Variants in GPAM observed in about 807,000 individuals in gnomAD.
GPAM encodes the protein glycerol-3-phosphate acyltransferase, mitochondrial.
GPAM carries 56 observed loss-of-function variants against 105.0 expected under a neutral mutation model. The observed-to-expected ratio is 0.53, with a 90% confidence interval of 0.43 to 0.67. The LOEUF (loss-of-function observed/expected upper bound fraction) is 0.67. Ranked by LOEUF, GPAM falls within the 30% of genes least tolerant of loss-of-function variation. The pLI, the probability that GPAM is intolerant of heterozygous loss-of-function variation, is 0.00. For synonymous variants in GPAM, 368 were observed against 354.4 expected (o/e 1.04, Z -0.43); for missense variants, 855 against 989.8 (o/e 0.86, Z 1.83).
chr10:112,159,099 C>A (rs1847073255), intron 17 of GPAM, among the ~76,000 whole-genome samples: 1 of 151,944 alleles, frequency 6.6e-6, no homozygotes. Context: ...CTACTTAATA[C>A]ATATGTCTCA....
the GPAM span, among the ~76,000 whole-genome samples, chr10:112,220,716 T>C: frequency 3.3e-5 from 5 of 152,152 alleles, no homozygotes; most frequent in African/African-American, 1.2e-4. Flanking sequence ...GATGGTTCTT[T>C]CATCCCAGAG....
Position 112,175,692 on chromosome 10 carries a change from T to A in GPAM, c.321A>T (p.Arg107Ser). The stretch of plus-strand genomic sequence containing the variant: ...GAATAAAAAGAACGTAAGAAAGGCG[T>A]CTTGCAAGCCATCCGCGGTGTCTGT... ...THTRHRGWLA[R>S]RLSYVLFIQE... Residue 107 changes from arginine to serine, a missense_variant, in exon 6 of 22, where the codon AGA (arginine) becomes AGT (serine). Transcript: ENST00000348367. The A allele has an allele frequency of 2.5e-6, 4 of 1,611,810 alleles. No homozygotes were observed. The highest frequency in any genetic ancestry group is 3.4e-6 in the Non-Finnish European group (4 of 1,177,906).
At chr10:112,200,167 A>AATATATATATATAT (rs10528337) in intron 1 of GPAM, among the ~76,000 whole-genome samples, 29 of 87,192 alleles carry the variant, frequency 3.3e-4, no homozygotes, top group African/African-American at 5.0e-4. Context: ...TTGTAAAGGA[A>AATATATATATATAT]ATATATATAT....
chr10:112,155,717 T>C (rs528127559), intron 20 of GPAM, 147 bp downstream of exon 20: 3 of 602,854 alleles, frequency 5.0e-6, no homozygotes, highest in Non-Finnish European at 8.7e-6. Flanking sequence ...TCAACTTATA[T>C]AACATGCCAA....
upstream of GPAM, among the ~76,000 whole-genome samples, chr10:112,216,672 G>A (rs891729621): frequency 1.3e-5 from 2 of 151,610 alleles, no homozygotes; most frequent in Admixed American, 1.3e-4. Flanking sequence ...CCCCCAGGCT[G>A]GAGTGCAGTG....
chr10:112,212,604 A>G (rs746718331), intron 1 of GPAM, among the ~76,000 whole-genome samples: 1 of 152,180 alleles, frequency 6.6e-6, no homozygotes, highest in Non-Finnish European at 1.5e-5. Flanking sequence ...ATCAGGATGC[A>G]GTGAACCCAA....
At chr10:112,217,595 G>A (rs943845531), upstream of GPAM, among the ~76,000 whole-genome samples, 4 of 152,126 alleles carry the variant, frequency 2.6e-5, no homozygotes, top group African/African-American at 7.2e-5. Flanking sequence ...CTTCTCTCCC[G>A]CCAGAAGTTA....
intron 17 of GPAM, among the ~76,000 whole-genome samples, chr10:112,158,876 C>T (rs1215182984): frequency 6.6e-6 from 1 of 152,186 alleles, no homozygotes; most frequent in African/African-American, 2.4e-5. Context: ...GCCCTCATCC[C>T]TTCCATCCCA....
chr10:112,214,912 A>G (rs1589614780), intron 1 of GPAM, among the ~76,000 whole-genome samples: 1 of 152,204 alleles, frequency 6.6e-6, no homozygotes, highest in Non-Finnish European at 1.5e-5. Context: ...TGAGGAGCAA[A>G]TGCACACAGA....
intron 1 of GPAM, among the ~76,000 whole-genome samples, chr10:112,200,980 C>A (rs1343630381): frequency 2.6e-5 from 4 of 152,150 alleles, no homozygotes; most frequent in Admixed American, 2.6e-4. Context: ...TTCTGAGTGA[C>A]CCTAGAGACA....
At chr10:112,222,351 C>G in the GPAM span, among the ~76,000 whole-genome samples, 4 of 152,056 alleles carry the variant, frequency 2.6e-5, no homozygotes, top group African/African-American at 7.2e-5. Context: ...ATTAAGAGTC[C>G]CACGCAAACC....
chr10:112,186,023 A>C (rs567268470), upstream of GPAM, among the ~76,000 whole-genome samples: 2 of 152,258 alleles, frequency 1.3e-5, no homozygotes, highest in African/African-American at 4.8e-5. Context: ...TAAACTTATA[A>C]ACCCAAAAAG....
At position 112,157,386 on chromosome 10, in the gene GPAM, C is replaced by T. The variant is rs200484998; in HGVS notation, c.1984G>A (p.Asp662Asn). The T allele has an allele frequency of 4.3e-6, 7 of 1,613,732 alleles. No homozygotes were observed. In the African/African-American group the frequency reaches 5.3e-5, roughly 12 times the overall value. The change falls in exon 19 of 22, where the codon GAT (aspartate) becomes AAT (asparagine). Residue 662 changes from aspartate to asparagine, a missense_variant. By Grantham distance (23) the Asp-to-Asn change is conservative (BLOSUM62 1). Coordinates refer to ENST00000348367, the MANE Select transcript of GPAM (RefSeq NM_001244949.2). ...QYGILTVAEH[D>N]DQEDISPSLA... ...CTAGGACTGATATCTTCCTGGTCAT[C>T]GTGCTAGGCCAAGGAGATGATGGAT... is the stretch of plus-strand genomic sequence containing the variant.
At chr10:112,193,301 C>T (rs1378514061) in intron 1 of GPAM, among the ~76,000 whole-genome samples, 1 of 152,148 alleles carries the variant, frequency 6.6e-6, no homozygotes, top group Non-Finnish European at 1.5e-5. Context: ...GGGGTCCTGA[C>T]CAGGAGGAGC....
At chr10:112,155,413 T>C (rs1292042123) in intron 20 of GPAM, 2 of 180,324 alleles carry the variant, frequency 1.1e-5, no homozygotes, top group African/African-American at 5.0e-5. Flanking sequence ...AAGCCGAATA[T>C]ACCCAGAGCC....
At chr10:112,166,312 C>T in intron 12 of GPAM, 90 bp downstream of exon 12, 2 of 784,710 alleles carry the variant, frequency 2.5e-6, no homozygotes, top group Non-Finnish European at 4.7e-6. Context: ...AGCCCCAAGT[C>T]ACACAGAGAG....
At chr10:112,199,562 A>G (rs755190052) in intron 1 of GPAM, among the ~76,000 whole-genome samples, 2 of 152,222 alleles carry the variant, frequency 1.3e-5, no homozygotes, top group Non-Finnish European at 2.9e-5. Flanking sequence ...AAAATTAAGT[A>G]TGTGAGGTGG....
rs1389736838 is a variant in GPAM at position 112,175,585 on chromosome 10, T to C, written c.413+15A>G. The C allele has an allele frequency of 7.2e-7, 1 of 1,394,558 alleles. No homozygotes were observed. The highest frequency in any genetic ancestry group is 1.7e-5 in the Admixed American group (1 of 59,756). The allele number at this position is 1,394,558 out of a possible 1,614,324, so 86.4% of individuals were successfully genotyped here. A position where few individuals can be genotyped will look rare whatever the true frequency, so the allele number is the denominator to read the frequency against. On this transcript the variant is annotated intron_variant, in intron 6 of 21. Coordinates refer to ENST00000348367, the MANE Select transcript of GPAM (RefSeq NM_001244949.2). ...CCCTGCCTCTTCCCACCTTTACACC[T>C]TGCCCCGCCCTTACCTACTGCTGTT...
In GPAM at chr10:112,150,803, T is replaced by C; in HGVS notation, c.*2747A>G. The C allele has an allele frequency of 6.1e-6, 6 of 985,266 alleles. No homozygotes were observed. The highest frequency in any genetic ancestry group is 7.2e-6 in the Non-Finnish European group (6 of 829,776). 61.0% of individuals were successfully genotyped at this position (985,266 alleles called of 1,614,324 possible). On this transcript the variant is annotated 3_prime_UTR_variant, in exon 22 of 22. Coordinates refer to ENST00000348367, the MANE Select transcript of GPAM (RefSeq NM_001244949.2). ...CACTGATGAACATCTCACAGAGCAC[T>C]CATATTACATGGAGTGCTATGGGAA...
Sources: allele counts gnomAD v4.1 joint callset (sites outside exome capture counted in the v4.1 genomes callset), GRCh38; gene constraint gnomAD v4.1.1; transcripts MANE v1.5; gene names NCBI Gene and HGNC (gene_info 2026-07-23, HGNC 2026-07-21).